The following RAB37 variants were observed in gnomAD, a reference collection of about 807,000 sequenced individuals.
RAB37 encodes RAB37, member RAS oncogene family.
Under a neutral mutation model 33.1 loss-of-function variants are expected in RAB37, and 29 were observed. That is an observed-to-expected ratio of 0.88 (90% CI 0.65 to 1.20). The LOEUF is 1.20. Ranked by LOEUF, RAB37 falls within the 50% of genes most tolerant of loss-of-function variation. RAB37 has a pLI of 0.00. For synonymous variants in RAB37, 128 were observed against 119.5 expected, an observed-to-expected ratio of 1.07 and a Z score of -0.47; for missense variants, 299 against 301.1, an observed-to-expected ratio of 0.99 and a Z score of 0.05.
chr17:74,731,067 G>T (rs541756872), intron 2 of RAB37, among the ~76,000 whole-genome samples: 2 of 152,186 alleles, frequency 1.3e-5, no homozygotes, highest in African/African-American at 4.8e-5. Context: ...GCCTGCTTAC[G>T]CTGAGTGAGG....
chr17:74,745,488 G>T lies in RAB37; in HGVS notation c.*77G>T. ...CCCTCCCAGGCCTGGCTTATTCCAA[G>T]AGGCTGAGCCAATGGGGAGAAAGAT... is the stretch of plus-strand genomic sequence containing the variant. On this transcript the variant is annotated 3_prime_UTR_variant, in exon 9 of 9. Transcript: ENST00000392613. This position sits in a 1 kb window ranked among gnomAD's most constrained non-coding sequence, Gnocchi z 4.5. 2 of 1,222,900 alleles carry T rather than the reference G, an allele frequency of 1.6e-6. No individual in the cohort carries two copies. The highest frequency in any genetic ancestry group is 2.4e-6 in the Non-Finnish European group (2 of 832,770). 75.8% of individuals were successfully genotyped at this position (1,222,900 alleles called of 1,614,324 possible).
intron 1 of RAB37, among the ~76,000 whole-genome samples, chr17:74,684,886 TA>T (rs979102115): frequency 2.0e-4 from 30 of 152,230 alleles, no homozygotes; most frequent in African/African-American, 7.0e-4. Context: ...GATAGATAGA[TA>T]GATAGATAGA....
intron 1 of RAB37, among the ~76,000 whole-genome samples, chr17:74,690,850 T>C (rs189794279): frequency 1.2e-3 from 184 of 152,356 alleles, no homozygotes; most frequent in Non-Finnish European, 2.3e-3. Flanking sequence ...CCTTTCAGAC[T>C]GCCACCAATT....
chr17:74,737,359 G>C lies in RAB37; in HGVS notation c.87G>C (p.Thr29=), dbSNP rs371679465. The change falls in exon 1 of 9, where the codon ACG becomes ACC. Residue 29 remains threonine (T), a synonymous_variant. Transcript: ENST00000392613. ...CCTGCAGTCCGAGCTACGACCTCAC[G>C]GGCAAGGTGGGTGGGCCTCTTCCGT... The part of the protein sequence containing the change: ...SPPCSPSYDL[T]GKVMLLGDTG... 6.4e-7 allele frequency: 1 copy of C among 1,569,106 alleles called. No homozygotes were observed. The highest frequency in any genetic ancestry group is 2.3e-5 in the East Asian group (1 of 43,644).
rs781678010 is a variant in RAB37, at chr17:74,745,328, C to G, written c.589C>G (p.His197Asp). 2 of 1,613,994 alleles carry G rather than the reference C, an allele frequency of 1.2e-6. No homozygotes were observed. Among genetic ancestry groups the G allele is most frequent in the African/African-American group, 1.3e-5 (1 of 74,950 alleles). The change falls in exon 9 of 9, where the codon CAT becomes GAT. Residue 197 changes from histidine to aspartate, a missense_variant. Physicochemically the swap from His to Asp is moderately conservative, Grantham distance 81. Coordinates refer to ENST00000392613, the MANE Select transcript of RAB37 (RefSeq NM_001006638.3). The surrounding 1 kb of genome is among the most constrained non-coding windows in gnomAD (Gnocchi z 4.5). ...IAKELKYRAG[H>D]QADEPSFQIR... Reference sequence around the variant, plus strand: ...AAGGGAACTGAAATACCGGGCCGGGCATCAGGCGGATGAGCCCAGCTTCCA... The same window carrying G: ...AAGGGAACTGAAATACCGGGCCGGGGATCAGGCGGATGAGCCCAGCTTCCA...
intron 1 of RAB37, among the ~76,000 whole-genome samples, chr17:74,716,679 T>G (rs1055059146): frequency 9.2e-5 from 14 of 152,088 alleles, no homozygotes; most frequent in African/African-American, 3.4e-4. Flanking sequence ...TAAGCCATGC[T>G]GCCTTGTGTC....
At chr17:74,734,781 G>A (rs143071325), upstream of RAB37, among the ~76,000 whole-genome samples, 33 of 151,888 alleles carry the variant, frequency 2.2e-4, no homozygotes, top group East Asian at 1.4e-3. Context: ...CCCGGGAGGC[G>A]GAGGTTGCAG....
Position 74,744,486 on chromosome 17 carries a change from G to A in RAB37, c.432+113G>A. 1 of 1,006,416 alleles carries A rather than the reference G, an allele frequency of 9.9e-7. No homozygotes were observed. Among genetic ancestry groups the A allele is most frequent in the African/African-American group, 1.6e-5 (1 of 63,108 alleles). The allele number at this position is 1,006,416 out of a possible 1,614,324, so 62.3% of individuals were successfully genotyped here. A position where few individuals can be genotyped will look rare whatever the true frequency, so the allele number is the denominator to read the frequency against. ...CATCCTTCCTGAAAAGGACTCTGCA[G>A]CCTCCAGCTCAGGGGTCAGACATAT... On this transcript the variant is annotated intron_variant, in intron 6 of 8. Coordinates refer to ENST00000392613, the MANE Select transcript of RAB37 (RefSeq NM_001006638.3). This position sits in a 1 kb window ranked among gnomAD's most constrained non-coding sequence, Gnocchi z 4.2.
In RAB37 at chr17:74,739,307, C is replaced by A. The variant is rs565939089; in HGVS notation, c.94-1461C>A. On this transcript the variant is annotated intron_variant, in intron 1 of 8. Coordinates refer to ENST00000392613, the MANE Select transcript of RAB37 (RefSeq NM_001006638.3). The stretch of plus-strand genomic sequence containing the variant: ...TCCTCTCCACCATTCCTGCGTGTCC[C>A]TGGGGAAGATGAGCAGAGCAGAGCC... Among the ~76,000 whole-genome samples, 23 of 152,252 alleles carry A rather than the reference C, an allele frequency of 1.5e-4. No individual in the cohort carries two copies. In the South Asian group the frequency reaches 3.7e-3, roughly 25 times the overall value.
chr17:74,711,373 G>C (rs550975812), intron 1 of RAB37, among the ~76,000 whole-genome samples: 1 of 152,262 alleles, frequency 6.6e-6, no homozygotes, highest in African/African-American at 2.4e-5. Flanking sequence ...AAAAAAAGCA[G>C]CCATACCTGT....
intron 1 of RAB37, among the ~76,000 whole-genome samples, chr17:74,721,735 G>C (rs2034243705): frequency 6.6e-6 from 1 of 151,980 alleles, no homozygotes; most frequent in Admixed American, 6.6e-5. Flanking sequence ...GGTCCTCTTG[G>C]TTTATTTTTG....
At chr17:74,696,926 TTGGTTTGG>T (rs1178400177) in intron 1 of RAB37, among the ~76,000 whole-genome samples, 1 of 151,528 alleles carries the variant, frequency 6.6e-6, no homozygotes, top group African/African-American at 2.4e-5. Flanking sequence ...TTGGTTTGGT[TTGGTTTGG>T]TTTGGTTTGG....
At chr17:74,698,151 G>A (rs747150246) in intron 1 of RAB37, among the ~76,000 whole-genome samples, 3 of 152,216 alleles carry the variant, frequency 2.0e-5, no homozygotes, top group Admixed American at 6.5e-5. Flanking sequence ...GGGGAAGGAC[G>A]GAGGTGCAGG....
At chr17:74,732,479 T>C (rs2034397224), upstream of RAB37, among the ~76,000 whole-genome samples, 1 of 138,968 alleles carries the variant, frequency 7.2e-6, no homozygotes, top group African/African-American at 2.6e-5. Flanking sequence ...TTGAGGTGTG[T>C]GTGGTGAGGT....
At chr17:74,673,184 G>T (rs749783075) in intron 1 of RAB37, among the ~76,000 whole-genome samples, 1 of 151,974 alleles carries the variant, frequency 6.6e-6, no homozygotes, top group Admixed American at 6.6e-5. Context: ...GCGGTGGACC[G>T]CTTGAGGTCA....
chr17:74,698,630 C>T (rs2032748728), intron 1 of RAB37: 1 of 1,476,926 alleles, frequency 6.8e-7, no homozygotes. Context: ...TCCTGGGGAT[C>T]CTCAAAGATG....
At chr17:74,695,670 G>A (rs546773035) in intron 1 of RAB37, 24 of 1,611,906 alleles carry the variant, frequency 1.5e-5, no homozygotes, top group East Asian at 1.3e-4. Flanking sequence ...GGGGTGCAAC[G>A]GCAGGCCTGT....
intron 1 of RAB37, among the ~76,000 whole-genome samples, chr17:74,708,021 A>T (rs1313675923): frequency 6.6e-6 from 1 of 151,718 alleles, no homozygotes; most frequent in Non-Finnish European, 1.5e-5. Context: ...GGTGGCACAC[A>T]CCTGTAGCCC....
chr17:74,684,784 T>A (rs1002054960), intron 1 of RAB37, among the ~76,000 whole-genome samples: 2 of 152,048 alleles, frequency 1.3e-5, no homozygotes, highest in Admixed American at 1.3e-4. Flanking sequence ...AGCAAGGTTC[T>A]GCCTTAGAAA....
Sources: allele counts gnomAD v4.1 joint callset (sites outside exome capture counted in the v4.1 genomes callset), GRCh38; gene constraint gnomAD v4.1.1; non-coding constraint Gnocchi (gnomAD v3.1); transcripts MANE v1.5; gene names NCBI Gene and HGNC (gene_info 2026-07-23, HGNC 2026-07-21).